Variants in ENAH observed in about 807,000 individuals in gnomAD.
ENAH encodes ENAH actin regulator.
ENAH carries 23 observed loss-of-function variants against 78.7 expected under a neutral mutation model. The ratio of observed to expected loss-of-function variants is 0.29; its 90% confidence interval spans 0.21 to 0.41. The LOEUF (loss-of-function observed/expected upper bound fraction) is 0.41, where lower values mean the gene tolerates loss of function less well. Among genes scored for constraint, ENAH ranks in the 10% least tolerant of loss-of-function variants. ENAH has a pLI of 1.00. For synonymous variants in ENAH, 226 were observed against 241.0 expected, an observed-to-expected ratio of 0.94 and a Z score of 0.58; for missense variants, 544 against 691.0, an observed-to-expected ratio of 0.79 and a Z score of 2.39.
chr1:225,504,332 A>G (rs1055865299), intron 11 of ENAH, among the ~76,000 whole-genome samples: 1 of 152,104 alleles, frequency 6.6e-6, no homozygotes, highest in Admixed American at 6.6e-5. Flanking sequence ...TTTTATGATG[A>G]GAGCGTTGCC....
At chr1:225,573,950 G>A (rs1029284657) in intron 1 of ENAH, among the ~76,000 whole-genome samples, 1 of 152,106 alleles carries the variant, frequency 6.6e-6, no homozygotes, top group Non-Finnish European at 1.5e-5. Flanking sequence ...ATCAACATGT[G>A]CACAATAACC....
chr1:225,606,508 A>C (rs2096956397), intron 1 of ENAH, among the ~76,000 whole-genome samples: 1 of 152,048 alleles, frequency 6.6e-6, no homozygotes, highest in Non-Finnish European at 1.5e-5. Flanking sequence ...TTAGTTGATA[A>C]GCACTCGTAC....
At chr1:225,557,664 T>C (rs955653402) in intron 2 of ENAH, among the ~76,000 whole-genome samples, 1 of 151,954 alleles carries the variant, frequency 6.6e-6, no homozygotes, top group African/African-American at 2.4e-5. Flanking sequence ...CTACTAAAAA[T>C]ACAAAACTTA....
chr1:225,561,203 A>C (rs2096703625), intron 2 of ENAH, among the ~76,000 whole-genome samples: 1 of 152,220 alleles, frequency 6.6e-6, no homozygotes, highest in African/African-American at 2.4e-5. Flanking sequence ...ACTGCACGCC[A>C]GCCTGGTGAC....
intron 2 of ENAH, among the ~76,000 whole-genome samples, 182 bp from the exon 3 acceptor site, chr1:225,555,265 C>G (rs1308291658): frequency 6.6e-6 from 1 of 152,126 alleles, no homozygotes; most frequent in East Asian, 1.9e-4. Context: ...AAGCTTTTCG[C>G]TGATTACAAA....
chr1:225,547,845 C>A (rs1253888989), intron 3 of ENAH, among the ~76,000 whole-genome samples: 1 of 152,162 alleles, frequency 6.6e-6, no homozygotes, highest in Non-Finnish European at 1.5e-5. Flanking sequence ...AAAATCCAGA[C>A]CTGAAAGTCA....
intron 4 of ENAH, among the ~76,000 whole-genome samples, chr1:225,522,885 TAA>T (rs1315542899): frequency 6.6e-6 from 1 of 151,988 alleles, no homozygotes; most frequent in Non-Finnish European, 1.5e-5. Context: ...TGAAAAGATC[TAA>T]GTTTTTAGAT....
At chr1:225,595,772 T>C (rs1409353236) in intron 1 of ENAH, among the ~76,000 whole-genome samples, 1 of 152,276 alleles carries the variant, frequency 6.6e-6, no homozygotes, top group East Asian at 1.9e-4. Context: ...TCATCTAACA[T>C]TTAGGAATAT....
chr1:225,573,046 G>A (rs1203102805), intron 1 of ENAH, among the ~76,000 whole-genome samples: 2 of 152,208 alleles, frequency 1.3e-5, no homozygotes, highest in East Asian at 1.9e-4. Context: ...TATATGTGAT[G>A]AGAACGCTTG....
At chr1:225,546,359 G>A (rs2096613817) in intron 3 of ENAH, among the ~76,000 whole-genome samples, 2 of 152,146 alleles carry the variant, frequency 1.3e-5, no homozygotes, top group African/African-American at 2.4e-5. Context: ...AGAAGATAAA[G>A]CTATAGTCAT....
intron 12 of ENAH, 52 bp from the exon 13 acceptor site, chr1:225,498,456 G>C: frequency 8.7e-7 from 1 of 1,143,798 alleles, no homozygotes. Context: ...TACCACTAAA[G>C]AGATTCTTAC....
At chr1:225,570,269 C>G (rs2096754870) in intron 1 of ENAH, among the ~76,000 whole-genome samples, 1 of 152,046 alleles carries the variant, frequency 6.6e-6, no homozygotes, top group South Asian at 2.1e-4. Flanking sequence ...GCGACAAATG[C>G]AACTCAGTCC....
Position 225,488,952 on chromosome 1 carries a change from A to T in ENAH, c.*8823T>A, listed in dbSNP as rs1419814104. The T allele has an allele frequency of 1.3e-5, 2 of 152,226 alleles. No individual in the cohort carries two copies. The highest frequency in any genetic ancestry group is 2.9e-5 in the Non-Finnish European group (2 of 68,038). The allele number at this position is 152,226 out of a possible 1,614,324, so 9.4% of individuals were successfully genotyped here. On this transcript the variant is annotated 3_prime_UTR_variant, in exon 14 of 14. Coordinates refer to ENST00000366843, the MANE Select transcript of ENAH (RefSeq NM_018212.6). ...CAGGGAACTCGGAAGGAATGACTAC[A>T]TGGATATAGATGGATAAGATGGAAG...
intron 1 of ENAH, among the ~76,000 whole-genome samples, chr1:225,620,833 C>T (rs544827361): frequency 1.2e-4 from 18 of 152,016 alleles, no homozygotes; most frequent in South Asian, 2.1e-4. Flanking sequence ...GGTGAAACCC[C>T]GTATCTACTA....
At position 225,501,344 on chromosome 1, in the gene ENAH, G is replaced by A. The variant is rs1389862535; in HGVS notation, c.1539-274C>T. 1.5e-5 allele frequency: 5 copies of A among 339,500 alleles called. No homozygotes were observed. The East Asian group carries it at 2.4e-4, about 16-fold the overall frequency. 21.0% of individuals were successfully genotyped at this position (339,500 alleles called of 1,614,324 possible). Reference sequence around the variant, plus strand: ...AAGAGTAGAAGACAGTATTCTTTGGGCATGAGGTAACCAGGTAACGTGGCA... The same window carrying A: ...AAGAGTAGAAGACAGTATTCTTTGGACATGAGGTAACCAGGTAACGTGGCA... On this transcript the variant is annotated intron_variant, in intron 11 of 13. Coordinates refer to ENST00000366843, the MANE Select transcript of ENAH (RefSeq NM_018212.6).
intron 4 of ENAH, among the ~76,000 whole-genome samples, chr1:225,521,330 T>C (rs537941007): frequency 6.6e-6 from 1 of 152,238 alleles, no homozygotes; most frequent in South Asian, 2.1e-4. Context: ...AAATTGTCTT[T>C]AGGAAAAGTT....
At chr1:225,594,493 A>T (rs2096893016) in intron 1 of ENAH, among the ~76,000 whole-genome samples, 1 of 152,100 alleles carries the variant, frequency 6.6e-6, no homozygotes, top group Non-Finnish European at 1.5e-5. Flanking sequence ...TCTTCCAAAA[A>T]CATCCCTCTA....
intron 3 of ENAH, among the ~76,000 whole-genome samples, chr1:225,553,128 G>A (rs553784722): frequency 2.7e-4 from 41 of 152,212 alleles, no homozygotes; most frequent in African/African-American, 8.9e-4. Flanking sequence ...CAGCTACCTG[G>A]GAGGCTAAGG....
intron 5 of ENAH, chr1:225,517,651 G>C (rs1317088092): frequency 6.4e-7 from 1 of 1,550,838 alleles, no homozygotes; most frequent in African/African-American, 1.4e-5. Flanking sequence ...AGTAGACCAG[G>C]CACAGGGCTT....
Sources: gnomAD v4.1 joint callset for allele counts (sites outside exome capture counted in the v4.1 genomes callset) on GRCh38, gnomAD v4.1.1 for gene constraint, MANE v1.5 for transcripts, NCBI Gene and HGNC (gene_info 2026-07-23, HGNC 2026-07-21) for gene names.